The following BCAT1 variants were observed in gnomAD, a reference collection of about 807,000 sequenced individuals.
BCAT1 encodes branched-chain-amino-acid aminotransferase, cytosolic.
BCAT1 carries 48 observed loss-of-function variants against 52.4 expected under a neutral mutation model. That is an observed-to-expected ratio of 0.92 (90% confidence interval 0.73 to 1.16). The LOEUF is 1.16. BCAT1 is among the 50% of genes most tolerant of loss of function. The pLI is 0.00. For missense variants in BCAT1, 451 were observed against 457.1 expected (o/e 0.99, Z 0.12); for synonymous variants, 167 against 161.3 (o/e 1.04, Z -0.27).
intron 1 of BCAT1, chr12:24,945,283 C>T (rs1343896854): frequency 6.6e-6 from 1 of 152,146 alleles, no homozygotes; most frequent in Admixed American, 6.5e-5. Context: ...TGAATAAAAG[C>T]ACCTAAATGC....
chr12:24,847,187 G>C (rs954455222), intron 6 of BCAT1, among the ~76,000 whole-genome samples: 3 of 152,174 alleles, frequency 2.0e-5, no homozygotes, highest in African/African-American at 7.2e-5. Flanking sequence ...AATTAGGTTG[G>C]TTTGTTTTTA....
chr12:24,817,274 TA>T lies in BCAT1; in HGVS notation c.*733del, dbSNP rs1177171799. 1 of 152,340 alleles carries T rather than the reference TA, an allele frequency of 6.6e-6. No individual in the cohort carries two copies. The highest frequency in any genetic ancestry group is 1.5e-5 in the Non-Finnish European group (1 of 68,038). 9.4% of individuals were successfully genotyped at this position (152,340 alleles called of 1,614,324 possible). On this transcript the variant is annotated 3_prime_UTR_variant, in exon 11 of 11. Transcript: ENST00000261192. The stretch of plus-strand genomic sequence containing the variant: ...AAGCAAAATGTTCACTGATTCATTA[TA>T]AAACCATTTACTGAGTACCTACTAT...
chr12:24,878,758 CA>C, intron 4 of BCAT1, 109 bp from the exon 5 acceptor site: 2 of 1,077,972 alleles, frequency 1.9e-6, no homozygotes, highest in South Asian at 2.0e-5. Flanking sequence ...AATCCCAACA[CA>C]AAAAAATAAG....
At chr12:24,901,039 G>C (rs540182216) in intron 2 of BCAT1, among the ~76,000 whole-genome samples, 1 of 152,368 alleles carries the variant, frequency 6.6e-6, no homozygotes, top group Admixed American at 6.5e-5. Context: ...TTCCTTGCAA[G>C]TAGAGACCTA....
intron 1 of BCAT1, among the ~76,000 whole-genome samples, chr12:24,944,172 T>C (rs951709752): frequency 3.9e-5 from 6 of 152,184 alleles, no homozygotes; most frequent in Non-Finnish European, 7.4e-5. Context: ...TGTATTATGC[T>C]TCCCCATGTA....
intron 3 of BCAT1, among the ~76,000 whole-genome samples, chr12:24,885,068 G>A (rs1361681937): frequency 2.0e-5 from 3 of 152,118 alleles, no homozygotes; most frequent in Non-Finnish European, 2.9e-5. Flanking sequence ...AACTGAATAT[G>A]TACAACCAGT....
At chr12:24,891,901 A>G (rs1319831045) in intron 3 of BCAT1, among the ~76,000 whole-genome samples, 1 of 143,036 alleles carries the variant, frequency 7.0e-6, no homozygotes, top group Non-Finnish European at 1.5e-5. Context: ...GGCGCCTGCC[A>G]CCACGCCCGG....
At chr12:24,820,499 G>A (rs1383553867) in intron 10 of BCAT1, among the ~76,000 whole-genome samples, 1 of 152,110 alleles carries the variant, frequency 6.6e-6, no homozygotes, top group African/African-American at 2.4e-5. Context: ...TGTCTTCATG[G>A]ACTAGGATGT....
At chr12:24,900,749 G>C (rs1308939767) in intron 2 of BCAT1, among the ~76,000 whole-genome samples, 1 of 152,152 alleles carries the variant, frequency 6.6e-6, no homozygotes, top group African/African-American at 2.4e-5. Flanking sequence ...TGGCTAACAT[G>C]GTGATAACCC....
At chr12:24,837,034 AAG>A (rs1259774656) in intron 7 of BCAT1, among the ~76,000 whole-genome samples, 1 of 144,820 alleles carries the variant, frequency 6.9e-6, no homozygotes, top group African/African-American at 2.5e-5. Flanking sequence ...GAAAGAAAGA[AAG>A]AAAAAAGAAA....
chr12:24,887,090 T>A (rs866940754), intron 3 of BCAT1, among the ~76,000 whole-genome samples: 2,681 of 47,684 alleles, frequency 0.056, 72 homozygotes, highest in African/African-American at 0.12. Context: ...AATATATATA[T>A]ATATATATAT....
At chr12:24,907,551 C>T (rs1163685916) in intron 1 of BCAT1, among the ~76,000 whole-genome samples, 1 of 152,150 alleles carries the variant, frequency 6.6e-6, no homozygotes, top group African/African-American at 2.4e-5. Context: ...GTTCCTGCCC[C>T]ACCCTAACCG....
intron 5 of BCAT1, among the ~76,000 whole-genome samples, chr12:24,870,327 C>T (rs1329715959): frequency 6.6e-6 from 1 of 151,982 alleles, no homozygotes; most frequent in Non-Finnish European, 1.5e-5. Flanking sequence ...TATATAAAAT[C>T]TGGTTAAATA....
At position 24,811,635 on chromosome 12, in the gene BCAT1, A is replaced by G. The variant is rs1810619482; in HGVS notation, c.*6373T>C. 1 of 152,138 alleles carries G rather than the reference A, an allele frequency of 6.6e-6. No individual in the cohort carries two copies. The highest frequency in any genetic ancestry group is 2.4e-5 in the African/African-American group (1 of 41,446). 9.4% of individuals were successfully genotyped at this position (152,138 alleles called of 1,614,324 possible). On this transcript the variant is annotated 3_prime_UTR_variant, in exon 11 of 11. Transcript: ENST00000261192. ...CATTTCCATTATTACACTTTTAGTGAGCTAAAATCCTTTTAACATAGCCTG... is the reference window on the plus strand; with the variant it reads ...CATTTCCATTATTACACTTTTAGTGGGCTAAAATCCTTTTAACATAGCCTG...
chr12:24,919,729 G>T (rs1254677080), intron 1 of BCAT1, among the ~76,000 whole-genome samples: 1 of 152,184 alleles, frequency 6.6e-6, no homozygotes, highest in Non-Finnish European at 1.5e-5. Context: ...ATATGGGTTA[G>T]CTATGTCTCC....
intron 10 of BCAT1, among the ~76,000 whole-genome samples, chr12:24,825,249 A>G (rs1011385762): frequency 3.9e-5 from 6 of 152,134 alleles, no homozygotes; most frequent in East Asian, 1.9e-4. Flanking sequence ...TGCAATAAAC[A>G]TGGGAGTGCA....
Position 24,817,997 on chromosome 12 carries a change from C to T in BCAT1, c.*11G>A. ...TATCCTCTATTTTCCATTGTATCCTCTATTTTCCATTCAGGATAGCACAAT... is the reference window on the plus strand; with the variant it reads ...TATCCTCTATTTTCCATTGTATCCTTTATTTTCCATTCAGGATAGCACAAT... On this transcript the variant is annotated 3_prime_UTR_variant, in exon 11 of 11. Coordinates refer to ENST00000261192, the MANE Select transcript of BCAT1 (RefSeq NM_005504.7). The T allele has an allele frequency of 1.2e-6, 2 of 1,612,296 alleles. No individual in the cohort carries two copies. The highest frequency in any genetic ancestry group is 2.2e-5 in the South Asian group (2 of 91,042).
At chr12:24,887,080 A>AAAAAAAAAAAAAAAAATATATATAT in intron 3 of BCAT1, among the ~76,000 whole-genome samples, 1 of 40,748 alleles carries the variant, frequency 2.5e-5, no homozygotes, top group Non-Finnish European at 5.2e-5. Context: ...AAAAAAAAAA[A>AAAAAAAAAAAAAAAAATATATATAT]ATATATATAT....
intron 1 of BCAT1, among the ~76,000 whole-genome samples, chr12:24,909,823 C>T (rs1388746751): frequency 6.6e-6 from 1 of 152,192 alleles, no homozygotes; most frequent in African/African-American, 2.4e-5. Flanking sequence ...CTTGGAACTA[C>T]CCCACCTAGA....
Sources: allele counts gnomAD v4.1 joint callset (sites outside exome capture counted in the v4.1 genomes callset), GRCh38; gene constraint gnomAD v4.1.1; transcripts MANE v1.5; gene names NCBI Gene and HGNC (gene_info 2026-07-23, HGNC 2026-07-21).